POLE: variants seen among roughly 807,000 people sequenced by gnomAD.
The protein encoded by POLE is DNA polymerase epsilon catalytic subunit A.
Under a neutral mutation model 279.2 loss-of-function variants are expected in POLE, and 188 were observed. That is an observed-to-expected ratio of 0.67 (90% CI 0.60 to 0.76). POLE has a LOEUF of 0.76. POLE is among the 30% of genes least tolerant of loss of function. The pLI is 0.00. For missense variants in POLE, 2,703 were observed against 3,016.7 expected, an observed-to-expected ratio of 0.90 and a Z score of 2.44; for synonymous variants, 1,214 against 1,172.5, an observed-to-expected ratio of 1.04 and a Z score of -0.72.
At position 132,639,012 on chromosome 12, in the gene POLE, G is replaced by A. The variant is rs1261768866; in HGVS notation, c.5552+113C>T. On this transcript the variant is annotated intron_variant, in intron 40 of 48. Coordinates refer to ENST00000320574, the MANE Select transcript of POLE (RefSeq NM_006231.4). The surrounding 1 kb of genome is among the most constrained non-coding windows in gnomAD (Gnocchi z 4.7). ...TGGATTGTTATGCTCCACAAACTCA[G>A]AAATACACTACTTATCCCAGAGGCA... is the stretch of plus-strand genomic sequence containing the variant. 8.8e-6 allele frequency: 8 copies of A among 910,038 alleles called. No individual in the cohort carries two copies. The allele number at this position is 910,038 out of a possible 1,614,324, so 56.4% of individuals were successfully genotyped here. A position where few individuals can be genotyped will look rare whatever the true frequency, so the allele number is the denominator to read the frequency against.
At chr12:132,644,580 C>T (rs1565941387) in intron 32 of POLE, among the ~76,000 whole-genome samples, 1 of 152,144 alleles carries the variant, frequency 6.6e-6, no homozygotes, top group African/African-American at 2.4e-5. Flanking sequence ...TGGGTTTAAC[C>T]TGAGGGTGTA....
chr12:132,631,481 G>C (rs1396511035), intron 45 of POLE, among the ~76,000 whole-genome samples: 1 of 152,178 alleles, frequency 6.6e-6, no homozygotes, highest in Non-Finnish European at 1.5e-5. Flanking sequence ...AAAATGGTGA[G>C]CTAAAAACAC....
chr12:132,680,095 C>T, intron 4 of POLE, 49 bp from the exon 5 acceptor site: 13 of 1,594,016 alleles, frequency 8.2e-6, no homozygotes, highest in Non-Finnish European at 1.1e-5. Flanking sequence ...AATACATTTC[C>T]TTCCTTGCCT....
intron 29 of POLE, among the ~76,000 whole-genome samples, chr12:132,655,127 A>G (rs1267666413): frequency 2.0e-5 from 3 of 152,176 alleles, no homozygotes; most frequent in Non-Finnish European, 2.9e-5. Flanking sequence ...GTTGTTCTCT[A>G]ACTTTTTCAG....
At position 132,679,950 on chromosome 12, in the gene POLE, T is replaced by G; in HGVS notation, c.423+4A>C. The G allele has an allele frequency of 6.2e-7, 1 of 1,603,890 alleles. No homozygotes were observed. The highest frequency in any genetic ancestry group is 8.5e-7 in the Non-Finnish European group (1 of 1,172,070). ...TACCCCTGGAAAGTCTGGGTGATAC[T>G]CACCAAGTCCAGATCCTCTTTGGGG... On this transcript the variant is annotated splice_donor_region_variant and intron_variant, in intron 5 of 48. Transcript: ENST00000320574.
chr12:132,647,223 CAA>C (rs981920964), intron 32 of POLE, among the ~76,000 whole-genome samples: 8 of 151,906 alleles, frequency 5.3e-5, no homozygotes, highest in African/African-American at 1.9e-4. Flanking sequence ...TGCTTGAGCC[CAA>C]GAGTACAAGG....
chr12:132,677,464 T>C, intron 7 of POLE, 21 bp from the exon 8 acceptor site: 4 of 1,611,046 alleles, frequency 2.5e-6, no homozygotes, highest in Non-Finnish European at 3.4e-6. Flanking sequence ...CACAGTGTGC[T>C]AACTAGAGTT....
intron 32 of POLE, 61 bp downstream of exon 32, chr12:132,648,868 C>T (rs2138594754): frequency 6.4e-7 from 1 of 1,552,394 alleles, no homozygotes; most frequent in East Asian, 2.3e-5. Flanking sequence ...CAGGCTAGAT[C>T]ATGGGAAAGC....
chr12:132,687,138 A>T, intron 1 of POLE, 116 bp downstream of exon 1: 1 of 487,960 alleles, frequency 2.0e-6, no homozygotes, highest in Non-Finnish European at 3.0e-6. Context: ...AGGCGCGGCG[A>T]GTGCGGGCGG....
In POLE at chr12:132,631,117, G is replaced by T. The variant is rs5745048; in HGVS notation, c.6330+1198C>A. 1.8e-3 allele frequency among the ~76,000 whole-genome samples: 275 copies of T among 152,310 alleles called. 2 individuals carry two copies. Among genetic ancestry groups the T allele is most frequent in the African/African-American group, 6.4e-3 (265 of 41,560 alleles). On this transcript the variant is annotated intron_variant, in intron 45 of 48. Transcript: ENST00000320574. ...TTTGCCCACACAATGGACACTGCTCGCAACAGAAAGGGAGTTCTGATACAC... is the reference window on the plus strand; with the variant it reads ...TTTGCCCACACAATGGACACTGCTCTCAACAGAAAGGGAGTTCTGATACAC...
At position 132,649,396 on chromosome 12, in the gene POLE, C is replaced by T. The variant is rs2138607287; in HGVS notation, c.3915G>A (p.Gly1305=). The change falls in exon 31 of 49, where the codon GGG becomes GGA. Residue 1305 remains glycine, a synonymous_variant. Transcript: ENST00000320574. ...LESAEGVLRP[G]AIRDGPATGL... ...CCGTGGCAGGACCATCCCGGATGGCCCCGGGCCTGAGCACACCCTCTGCCG... is the reference window on the plus strand; with the variant it reads ...CCGTGGCAGGACCATCCCGGATGGCTCCGGGCCTGAGCACACCCTCTGCCG... The T allele has an allele frequency of 6.2e-7, 1 of 1,613,308 alleles. No homozygotes were observed.
rs1265970870 is a variant in POLE, at chr12:132,687,333, C to T, written c.-18G>A. The T allele has an allele frequency of 5.4e-6, 8 of 1,492,594 alleles. No individual in the cohort carries two copies. In the African/African-American group the frequency reaches 1.0e-4, roughly 19 times the overall value. 92.5% of individuals were successfully genotyped at this position (1,492,594 alleles called of 1,614,324 possible). On this transcript the variant is annotated 5_prime_UTR_variant, in exon 1 of 49. In the 5' UTR this introduces an upstream ATG that the reference lacks. Coordinates refer to ENST00000320574, the MANE Select transcript of POLE (RefSeq NM_006231.4). The stretch of plus-strand genomic sequence containing the variant: ...AGAGACATGGAGCCGTTGGCTACCA[C>T]CTCTGCTTCAGGGGAGAAATTTGGC...
chr12:132,672,517 G>C, intron 15 of POLE, 110 bp downstream of exon 15: 1 of 1,237,950 alleles, frequency 8.1e-7, no homozygotes, highest in Non-Finnish European at 1.2e-6. Flanking sequence ...ACCCGGTGAG[G>C]GGCCGTGGGA....
intron 29 of POLE, among the ~76,000 whole-genome samples, chr12:132,653,865 A>T (rs56366286): frequency 0.53 from 80,915 of 151,568 alleles, 22,844 homozygotes; most frequent in African/African-American, 0.71. Flanking sequence ...TCAAACTTTA[A>T]CATGAGCAGA....
intron 23 of POLE, among the ~76,000 whole-genome samples, chr12:132,663,770 A>G (rs1355590867): frequency 1.3e-5 from 2 of 152,244 alleles, no homozygotes; most frequent in African/African-American, 4.8e-5. Flanking sequence ...CTGTAAGTTT[A>G]AAATTATTTC....
intron 14 of POLE, 99 bp from the exon 15 acceptor site, chr12:132,672,938 G>A (rs2042964646): frequency 8.9e-7 from 1 of 1,125,382 alleles, no homozygotes; most frequent in South Asian, 1.4e-5. Context: ...TGTGAAAGGA[G>A]AGAAAACCTC....
At position 132,634,914 on chromosome 12, in the gene POLE, C is replaced by T. The variant is rs1198653779; in HGVS notation, c.5812-536G>A. Among the ~76,000 whole-genome samples the T allele has an allele frequency of 6.6e-6, 1 of 152,206 alleles. No homozygotes were observed. Among genetic ancestry groups the T allele is most frequent in the Non-Finnish European group, 1.5e-5 (1 of 68,036 alleles). ...CCTCCCACTTTGTTCTGAATCCCTT[C>T]AATCAGGGTTTATCCCCCAACTCCA... On this transcript the variant is annotated intron_variant, in intron 42 of 48. Transcript: ENST00000320574. The surrounding 1 kb of genome is among the most constrained non-coding windows in gnomAD (Gnocchi z 4.0).
intron 45 of POLE, among the ~76,000 whole-genome samples, chr12:132,628,284 G>A (rs1287198280): frequency 6.6e-6 from 1 of 152,114 alleles, no homozygotes; most frequent in Admixed American, 6.5e-5. Flanking sequence ...AGCTTGCAGT[G>A]AGCCAAGATC....
At position 132,668,871 on chromosome 12, in the gene POLE, G is replaced by A. The variant is rs767326433; in HGVS notation, c.1863C>T (p.Leu621=). 5 of 1,613,986 alleles carry A rather than the reference G, an allele frequency of 3.1e-6. No homozygotes were observed. In the East Asian group the frequency reaches 1.1e-4, roughly 36 times the overall value. Reference sequence around the variant, plus strand: ...TGGCCCCCACGTCCAGGTGGTAGATGAGTGGACACTCGATGCGGCTGGGAA... The same window carrying A: ...TGGCCCCCACGTCCAGGTGGTAGATAAGTGGACACTCGATGCGGCTGGGAA... ...KDVPSRIECP[L]IYHLDVGAMY... The change falls in exon 17 of 49, where the codon CTC becomes CTT. Residue 621 remains leucine, a synonymous_variant. Transcript: ENST00000320574. This position sits in a 1 kb window ranked among gnomAD's most constrained non-coding sequence, Gnocchi z 4.0.
Sources: allele counts gnomAD v4.1 joint callset (sites outside exome capture counted in the v4.1 genomes callset), GRCh38; gene constraint gnomAD v4.1.1; non-coding constraint Gnocchi (gnomAD v3.1); transcripts MANE v1.5; gene names NCBI Gene and HGNC (gene_info 2026-07-23, HGNC 2026-07-21).